Variants in CELSR2 observed in about 807,000 individuals in gnomAD.
The protein encoded by CELSR2 is cadherin EGF LAG seven-pass G-type receptor 2.
Under a neutral mutation model 251.6 loss-of-function variants are expected in CELSR2, and 81 were observed. That is an observed-to-expected ratio of 0.32 (90% CI 0.27 to 0.39). The LOEUF is 0.39. CELSR2 is among the 10% of genes least tolerant of loss of function. CELSR2 has a pLI of 1.00. For missense variants in CELSR2, 3,365 were observed against 3,947.7 expected (o/e 0.85, Z 3.96); for synonymous variants, 1,721 against 1,670.5 (o/e 1.03, Z -0.74).
At chr1:109,265,514 C>T (rs1280445882) in intron 13 of CELSR2, among the ~76,000 whole-genome samples, 1 of 152,216 alleles carries the variant, frequency 6.6e-6, no homozygotes, top group Non-Finnish European at 1.5e-5. Flanking sequence ...AACCCATGAG[C>T]TCTGGCCTGG....
rs1656309788 is a variant in CELSR2, at chr1:109,269,572, T to C, written c.6961T>C (p.Phe2321Leu). ...GGAGCGGACCAAGCCCATCTGTGTC[T>C]TCTGGAACCATTCAATCCTGTGAGC... The part of the protein sequence containing the change: ...TEERTKPICV[F>L]WNHSILVSGT... Residue 2321 changes from phenylalanine (F) to leucine (L), a missense_variant, in exon 21 of 34, where the codon TTC becomes CTC. Phe to Leu is a conservative substitution (Grantham distance 22, BLOSUM62 0). Coordinates refer to ENST00000271332, the MANE Select transcript of CELSR2 (RefSeq NM_001408.3). The surrounding 1 kb of genome is among the most constrained non-coding windows in gnomAD (Gnocchi z 6.4). 2 of 1,614,018 alleles carry C rather than the reference T, an allele frequency of 1.2e-6. No individual in the cohort carries two copies. Among genetic ancestry groups the C allele is most frequent in the African/African-American group, 2.7e-5 (2 of 74,940 alleles).
In CELSR2 at chr1:109,252,108, C is replaced by G. The variant is rs1167704874; in HGVS notation, c.2029C>G (p.Leu677Val). ...VSLALPLDYK[L>V]ERQYVLAVTA... Reference sequence around the variant, plus strand: ...CCTTGCCCTGCCACTGGACTACAAACTTGAGCGGCAGTATGTGTTGGCTGT... The same window carrying G: ...CCTTGCCCTGCCACTGGACTACAAAGTTGAGCGGCAGTATGTGTTGGCTGT... Residue 677 changes from leucine to valine, a missense_variant, in exon 1 of 34, where the codon CTT (leucine) becomes GTT (valine). By Grantham distance (32) the Leu-to-Val change is conservative. Around this residue, in one of 5 missense-constraint regions of CELSR2, gnomAD observed 505 missense variants for 660.0 expected, o/e 0.77. Transcript: ENST00000271332. This position sits in a 1 kb window ranked among gnomAD's most constrained non-coding sequence, Gnocchi z 4.8. The G allele has an allele frequency of 3.1e-6, 5 of 1,614,022 alleles. No homozygotes were observed. The African/African-American group carries it at 4.0e-5, about 13-fold the overall frequency.
intron 1 of CELSR2, among the ~76,000 whole-genome samples, chr1:109,257,096 T>A (rs1655870826): frequency 6.6e-6 from 1 of 152,192 alleles, no homozygotes; most frequent in African/African-American, 2.4e-5. Context: ...AGCTCATGCC[T>A]GTAATCCCAG....
rs754204028 is a variant in CELSR2, at chr1:109,271,446, A to G, written c.7737A>G (p.Ala2579=). The G allele has an allele frequency of 7.4e-6, 12 of 1,613,978 alleles. No homozygotes were observed. The highest frequency in any genetic ancestry group is 2.2e-5 in the East Asian group (1 of 44,874). Residue 2579 remains alanine (A), a synonymous_variant, in exon 27 of 34, where the codon GCA becomes GCG. Coordinates refer to ENST00000271332, the MANE Select transcript of CELSR2 (RefSeq NM_001408.3). The stretch of plus-strand genomic sequence containing the variant: ...TGCTGAGCGCCACGTGGCTGCTGGC[A>G]CTGCTCTCTGTCAACAGCGACACCC... ...LLLLSATWLL[A]LLSVNSDTLL...
chr1:109,268,200 A>G, intron 17 of CELSR2, 140 bp downstream of exon 17: 1 of 1,277,534 alleles, frequency 7.8e-7, no homozygotes, highest in Non-Finnish European at 1.1e-6. Context: ...CCTCCATGAA[A>G]CCCTGTGACC....
Position 109,266,203 on chromosome 1 carries a change from T to C in CELSR2, c.6010T>C (p.Phe2004Leu), listed in dbSNP as rs770529036. ...TGCTGCTCCCTGTCCCAAAGGCTCC[T>C]TTGGTAGGTGTTGGAGGCCCCGATG... ...PAAAPCPKGSFGTAVRHCDEH... is the reference protein window; with the variant it reads ...PAAAPCPKGSLGTAVRHCDEH... The change falls in exon 15 of 34, where the codon TTT (phenylalanine) becomes CTT (leucine). Residue 2004 changes from phenylalanine (F) to leucine (L), a missense_variant. This residue lies in a region of CELSR2 where 2,093 missense variants were observed against 2,382.8 expected (regional missense o/e 0.88). Transcript: ENST00000271332. 6.2e-7 allele frequency: 1 copy of C among 1,613,922 alleles called. No homozygotes were observed. The highest frequency in any genetic ancestry group is 2.2e-5 in the East Asian group (1 of 44,898).
At chr1:109,260,375 T>C (rs1356186957) in intron 2 of CELSR2, among the ~76,000 whole-genome samples, 2 of 152,140 alleles carry the variant, frequency 1.3e-5, no homozygotes, top group Admixed American at 1.3e-4. Context: ...AGTTTCCCAC[T>C]CTCAGCATGT....
In CELSR2 at chr1:109,252,867, G is replaced by T. The variant is rs141691609; in HGVS notation, c.2788G>T (p.Val930Leu). The T allele has an allele frequency of 6.2e-7, 1 of 1,613,450 alleles. No individual in the cohort carries two copies. The highest frequency in any genetic ancestry group is 1.3e-5 in the African/African-American group (1 of 75,060). ...VFEQDEFDVF[V>L]EENSPIGLAV... is the part of the protein sequence containing the mutation. ...TGAGCAGGATGAGTTTGATGTGTTT[G>T]TGGAAGAGAACAGCCCCATTGGGCT... The change falls in exon 1 of 34, where the codon GTG becomes TTG. Residue 930 changes from valine to leucine, a missense_variant. Physicochemically the swap from Val to Leu is conservative, Grantham distance 32 (BLOSUM62 1). Transcript: ENST00000271332. This position sits in a 1 kb window ranked among gnomAD's most constrained non-coding sequence, Gnocchi z 4.8.
At chr1:109,267,274 G>A (rs189309488) in intron 15 of CELSR2, among the ~76,000 whole-genome samples, 3 of 152,300 alleles carry the variant, frequency 2.0e-5, no homozygotes, top group Admixed American at 6.5e-5. Context: ...GCAGGAAGTG[G>A]CGGAGAGCAC....
In CELSR2 at chr1:109,275,307, C is replaced by T. The variant is rs1222075521; in HGVS notation, c.*1258C>T. On this transcript the variant is annotated 3_prime_UTR_variant, in exon 34 of 34. Coordinates refer to ENST00000271332, the MANE Select transcript of CELSR2 (RefSeq NM_001408.3). ...CAGCCCTGGCTTGGGGGCTTGACGC[C>T]CTTCCCCTTGCCCCAGGCCATCATC... 1 of 152,258 alleles carries T rather than the reference C, an allele frequency of 6.6e-6. No homozygotes were observed. Among genetic ancestry groups the T allele is most frequent in the Non-Finnish European group, 1.5e-5 (1 of 68,062 alleles). 9.4% of individuals were successfully genotyped at this position (152,258 alleles called of 1,614,324 possible). A position where few individuals can be genotyped will look rare whatever the true frequency, so the allele number is the denominator to read the frequency against.
rs1253319460 is a variant in CELSR2, at chr1:109,251,222, C to G, written c.1143C>G (p.Thr381=). Residue 381 remains threonine, a synonymous_variant, in exon 1 of 34, where the codon ACC becomes ACG. Transcript: ENST00000271332. The surrounding 1 kb of genome is among the most constrained non-coding windows in gnomAD (Gnocchi z 4.9). ...DQGRDPGPRS[T]TAAVFLSVED... Reference sequence around the variant, plus strand: ...GTCGGGACCCGGGTCCTCGGAGTACCACAGCCGCTGTTTTCCTTTCTGTGG... The same window carrying G: ...GTCGGGACCCGGGTCCTCGGAGTACGACAGCCGCTGTTTTCCTTTCTGTGG... The G allele has an allele frequency of 6.2e-7, 1 of 1,613,998 alleles. No homozygotes were observed. Among genetic ancestry groups the G allele is most frequent in the South Asian group, 1.1e-5 (1 of 91,082 alleles).
Position 109,271,447 on chromosome 1 carries a change from C to T in CELSR2, c.7738C>T (p.Leu2580=). The T allele has an allele frequency of 6.2e-7, 1 of 1,614,088 alleles. No homozygotes were observed. The highest frequency in any genetic ancestry group is 8.5e-7 in the Non-Finnish European group (1 of 1,180,040). ...GCTGAGCGCCACGTGGCTGCTGGCA[C>T]TGCTCTCTGTCAACAGCGACACCCT... ...LLLSATWLLA[L]LSVNSDTLLF... The change falls in exon 27 of 34, where the codon CTG becomes TTG. Residue 2580 remains leucine, a synonymous_variant. Coordinates refer to ENST00000271332, the MANE Select transcript of CELSR2 (RefSeq NM_001408.3).
chr1:109,273,033 C>T lies in CELSR2; in HGVS notation c.8338+6C>T. The T allele has an allele frequency of 6.2e-7, 1 of 1,607,146 alleles. No homozygotes were observed. Among genetic ancestry groups the T allele is most frequent in the Non-Finnish European group, 8.5e-7 (1 of 1,176,020 alleles). ...CCTGCACAGTACTCCCAAGGGTGGG[C>T]CAGCACTGGGGCTGTGGCCTTTGGG... On this transcript the variant is annotated splice_donor_region_variant and intron_variant, in intron 31 of 33. Coordinates refer to ENST00000271332, the MANE Select transcript of CELSR2 (RefSeq NM_001408.3).
intron 15 of CELSR2, 70 bp from the exon 16 acceptor site, chr1:109,267,478 C>G: frequency 3.5e-6 from 5 of 1,429,646 alleles, no homozygotes; most frequent in Non-Finnish European, 3.9e-6. Flanking sequence ...TCCAGCAGAA[C>G]CTCTCAGCCA....
chr1:109,272,285 A>G lies in CELSR2; in HGVS notation c.7934A>G (p.Asn2645Ser). 1 of 1,594,156 alleles carries G rather than the reference A, an allele frequency of 6.3e-7. No homozygotes were observed. The highest frequency in any genetic ancestry group is 8.6e-7 in the Non-Finnish European group (1 of 1,167,004). The change falls in exon 29 of 34, where the codon AAC (asparagine) becomes AGC (serine). Residue 2645 changes from asparagine to serine, a missense_variant. Coordinates refer to ENST00000271332, the MANE Select transcript of CELSR2 (RefSeq NM_001408.3). ...TCTCTGTTCCCTGCCTAGTCCTACAACTGCCCCAGCCCCTACGCAGATGGG... is the reference window on the plus strand; with the variant it reads ...TCTCTGTTCCCTGCCTAGTCCTACAGCTGCCCCAGCCCCTACGCAGATGGG... ...TTKSTLTSSY[N>S]CPSPYADGRL...
rs1405473412 is a variant in CELSR2 at position 109,261,376 on chromosome 1, G to A, written c.4181+112G>A. On this transcript the variant is annotated intron_variant, in intron 3 of 33. Coordinates refer to ENST00000271332, the MANE Select transcript of CELSR2 (RefSeq NM_001408.3). This position sits in a 1 kb window ranked among gnomAD's most constrained non-coding sequence, Gnocchi z 4.8. Reference sequence around the variant, plus strand: ...CAGTGAAAGCGTGGAGCAGGCTGCCGGCAGAGCCAGGTCTGCTCTTGGAGT... The same window carrying A: ...CAGTGAAAGCGTGGAGCAGGCTGCCAGCAGAGCCAGGTCTGCTCTTGGAGT... 8 of 1,342,308 alleles carry A rather than the reference G, an allele frequency of 6.0e-6. No homozygotes were observed. Among genetic ancestry groups the A allele is most frequent in the Middle Eastern group, 1.8e-4 (1 of 5,412 alleles). 83.1% of individuals were successfully genotyped at this position (1,342,308 alleles called of 1,614,324 possible). A position where few individuals can be genotyped will look rare whatever the true frequency, so the allele number is the denominator to read the frequency against.
chr1:109,262,165 A>G (rs1451297661), intron 5 of CELSR2, 122 bp from the exon 6 acceptor site: 2 of 1,351,186 alleles, frequency 1.5e-6, no homozygotes, highest in East Asian at 4.8e-5. Flanking sequence ...GTGTGTGTAT[A>G]TGCATGTGTG....
At chr1:109,266,559 ATTTTTTTTT>A (rs35994599) in intron 15 of CELSR2, 7 of 83,744 alleles carry the variant, frequency 8.4e-5, no homozygotes, top group Non-Finnish European at 1.2e-4. Context: ...CACCTGGCTA[ATTTTTTTTT>A]TTTTTTTTTT....
At chr1:109,257,894 C>A (rs891900646) in intron 1 of CELSR2, among the ~76,000 whole-genome samples, 1 of 152,150 alleles carries the variant, frequency 6.6e-6, no homozygotes, top group African/African-American at 2.4e-5. Context: ...CAGGTCTGCG[C>A]GCCCAAGCAG....
Sources: gnomAD v4.1 joint callset for allele counts (sites outside exome capture counted in the v4.1 genomes callset) on GRCh38, gnomAD v4.1.1 for gene constraint, gnomAD v4.1.1 regional missense constraint, Gnocchi (gnomAD v3.1) non-coding constraint, MANE v1.5 for transcripts, NCBI Gene and HGNC (gene_info 2026-07-23, HGNC 2026-07-21) for gene names.